MAP7: variants seen among roughly 807,000 people sequenced by gnomAD.
MAP7 encodes the protein ensconsin.
A neutral mutation model predicts 94.8 loss-of-function variants in MAP7; 52 were observed. That is an observed-to-expected ratio of 0.55 (90% CI 0.44 to 0.69). The LOEUF (loss-of-function observed/expected upper bound fraction) is 0.69. MAP7 is among the 30% of genes least tolerant of loss of function. The pLI, the probability that MAP7 is intolerant of heterozygous loss-of-function variation, is 0.00. For missense variants in MAP7, 940 were observed against 964.6 expected, an observed-to-expected ratio of 0.97 and a Z score of 0.34; for synonymous variants, 350 against 357.0, an observed-to-expected ratio of 0.98 and a Z score of 0.22.
intron 15 of MAP7, among the ~76,000 whole-genome samples, chr6:136,358,340 A>T (rs531816096): frequency 1.3e-5 from 2 of 152,344 alleles, no homozygotes; most frequent in East Asian, 3.9e-4. Context: ...TTTACAGCTT[A>T]AATTGATCAC....
intron 1 of MAP7, among the ~76,000 whole-genome samples, chr6:136,432,509 G>A (rs1397135224): frequency 3.9e-5 from 6 of 152,016 alleles, no homozygotes; most frequent in Non-Finnish European, 7.4e-5. Context: ...GAATTCAAAC[G>A]CCTTAGCAGC....
chr6:136,421,399 G>A (rs1791304824), intron 2 of MAP7, among the ~76,000 whole-genome samples: 1 of 152,172 alleles, frequency 6.6e-6, no homozygotes, highest in Non-Finnish European at 1.5e-5. Context: ...CATTAAATGA[G>A]TGCATCCACA....
intron 1 of MAP7, among the ~76,000 whole-genome samples, chr6:136,494,732 A>T (rs1817688661): frequency 6.6e-6 from 1 of 152,210 alleles, no homozygotes; most frequent in Admixed American, 6.5e-5. Context: ...TAGACAAACT[A>T]GAAAAAAACT....
chr6:136,392,864 T>C (rs1781191320), intron 3 of MAP7, among the ~76,000 whole-genome samples: 1 of 152,226 alleles, frequency 6.6e-6, no homozygotes, highest in Non-Finnish European at 1.5e-5. Flanking sequence ...TACCCCATTT[T>C]GAGGAAAATT....
chr6:136,368,795 G>A (rs1296028019), intron 8 of MAP7, among the ~76,000 whole-genome samples: 3 of 152,214 alleles, frequency 2.0e-5, no homozygotes. Flanking sequence ...GCAGGGATTA[G>A]AAGATTTAAT....
intron 1 of MAP7, among the ~76,000 whole-genome samples, chr6:136,454,158 T>C (rs746940371): frequency 5.3e-5 from 8 of 152,080 alleles, no homozygotes; most frequent in Non-Finnish European, 1.0e-4. Context: ...GTTCCACAAA[T>C]GATGAGCCAG....
At chr6:136,467,333 G>A (rs979354317) in intron 1 of MAP7, among the ~76,000 whole-genome samples, 1 of 152,108 alleles carries the variant, frequency 6.6e-6, no homozygotes, top group African/African-American at 2.4e-5. Flanking sequence ...TGAAAAAGGC[G>A]ATCATTTAAA....
intron 1 of MAP7, among the ~76,000 whole-genome samples, chr6:136,435,956 G>C (rs1156325516): frequency 1.3e-5 from 2 of 152,110 alleles, no homozygotes; most frequent in African/African-American, 4.8e-5. Flanking sequence ...GCTTTTGTGG[G>C]TTATCAGTTA....
At chr6:136,493,561 C>A (rs1489734395) in intron 1 of MAP7, among the ~76,000 whole-genome samples, 1 of 152,032 alleles carries the variant, frequency 6.6e-6, no homozygotes, top group Non-Finnish European at 1.5e-5. Flanking sequence ...GCTACAGGAG[C>A]GCACTTGCCA....
Position 136,461,539 on chromosome 6 carries a change from C to G in MAP7, c.68-39740G>C, listed in dbSNP as rs980086468. 2.6e-5 allele frequency among the ~76,000 whole-genome samples: 4 copies of G among 152,270 alleles called. No homozygotes were observed. In the South Asian group the frequency reaches 8.3e-4, roughly 32 times the overall value. The stretch of plus-strand genomic sequence containing the variant: ...AATATTAACATTTACCTTCCTTGGT[C>G]CTTCATCGCATGTTACTTGCTATTC... On this transcript the variant is annotated intron_variant, in intron 1 of 17. Coordinates refer to ENST00000354570, the MANE Select transcript of MAP7 (RefSeq NM_003980.6).
chr6:136,534,203 C>T (rs1421054341), intron 1 of MAP7, among the ~76,000 whole-genome samples: 1 of 152,144 alleles, frequency 6.6e-6, no homozygotes, highest in East Asian at 1.9e-4. Flanking sequence ...TATATAAAGA[C>T]TTATTTTAAG....
Position 136,470,425 on chromosome 6 carries a change from C to T in MAP7, c.68-48626G>A, listed in dbSNP as rs183997681. ...CACACTGTGAAATGATTACCACAAT[C>T]GAGTTAATTAACACTTCCATCACCT... On this transcript the variant is annotated intron_variant, in intron 1 of 17. Transcript: ENST00000354570. 3.3e-3 allele frequency among the ~76,000 whole-genome samples: 505 copies of T among 152,148 alleles called. 2 individuals carry two copies. The highest frequency in any genetic ancestry group is 0.011 in the African/African-American group (477 of 41,496).
At chr6:136,495,793 T>C (rs533861527) in intron 1 of MAP7, among the ~76,000 whole-genome samples, 3 of 152,320 alleles carry the variant, frequency 2.0e-5, no homozygotes, top group Admixed American at 2.0e-4. Flanking sequence ...TAGATTTTGC[T>C]AGGGAAATAA....
chr6:136,449,094 G>A (rs1271417095), intron 1 of MAP7, among the ~76,000 whole-genome samples: 2 of 151,730 alleles, frequency 1.3e-5, no homozygotes, highest in Non-Finnish European at 2.9e-5. Flanking sequence ...GGATCACGAG[G>A]TCAGGAGATC....
chr6:136,425,966 T>C (rs980890651), intron 1 of MAP7, among the ~76,000 whole-genome samples: 1 of 152,218 alleles, frequency 6.6e-6, no homozygotes, highest in African/African-American at 2.4e-5. Context: ...ATAATGTATC[T>C]CCTTCTACCA....
chr6:136,353,650 C>T (rs1234403781), intron 16 of MAP7, among the ~76,000 whole-genome samples: 1 of 152,160 alleles, frequency 6.6e-6, no homozygotes, highest in Non-Finnish European at 1.5e-5. Context: ...ACCTCCTGGG[C>T]TCTAGTGATC....
Position 136,421,726 on chromosome 6 carries a change from A to T in MAP7, c.141T>A (p.Asn47Lys), listed in dbSNP as rs1262230842. ...CTGGTTTATTTCCTGAGTGGTTGTT[A>T]TTTTGTCCTGAAATTGCAGAGGCAG... is the stretch of plus-strand genomic sequence containing the variant. ...SRPASAISGQ[N>K]NNHSGNKPDP... The change falls in exon 2 of 18, where the codon AAT becomes AAA. Residue 47 changes from asparagine (N) to lysine (K), a missense_variant. Coordinates refer to ENST00000354570, the MANE Select transcript of MAP7 (RefSeq NM_003980.6). The T allele has an allele frequency of 1.9e-6, 3 of 1,613,800 alleles. No individual in the cohort carries two copies. The Admixed American group carries it at 5.0e-5, about 27-fold the overall frequency.
chr6:136,497,762 G>A (rs1173585089), intron 1 of MAP7, among the ~76,000 whole-genome samples: 1 of 130,088 alleles, frequency 7.7e-6, no homozygotes. Context: ...TCGTGCCACT[G>A]CACTCAGCCT....
intron 16 of MAP7, among the ~76,000 whole-genome samples, chr6:136,350,741 C>A (rs1788944598): frequency 6.6e-6 from 1 of 152,096 alleles, no homozygotes; most frequent in African/African-American, 2.4e-5. Context: ...CACCTGTAGT[C>A]CCAGCTACTC....
Sources: gnomAD v4.1 joint callset for allele counts (sites outside exome capture counted in the v4.1 genomes callset) on GRCh38, gnomAD v4.1.1 for gene constraint, MANE v1.5 for transcripts, NCBI Gene and HGNC (gene_info 2026-07-23, HGNC 2026-07-21) for gene names.